LRBA: variants seen among roughly 807,000 people sequenced by gnomAD.
The protein encoded by LRBA is lipopolysaccharide-responsive and beige-like anchor protein.
In LRBA, 176 loss-of-function variants were observed where a neutral mutation model predicts 330.0. The ratio of observed to expected loss-of-function variants is 0.53; its 90% CI spans 0.47 to 0.60. The LOEUF (loss-of-function observed/expected upper bound fraction) is 0.60. LRBA is among the 20% of genes least tolerant of loss of function. The pLI is 0.00. For missense variants in LRBA, 3,259 were observed against 3,444.8 expected (o/e 0.95, Z 1.35); for synonymous variants, 1,230 against 1,193.0 (o/e 1.03, Z -0.64).
intron 37 of LRBA, among the ~76,000 whole-genome samples, chr4:150,677,760 C>T (rs535146187): frequency 1.3e-5 from 2 of 150,334 alleles, no homozygotes; most frequent in African/African-American, 2.5e-5. Context: ...GCTATAATCA[C>T]GCCACTGCAT....
intron 53 of LRBA, among the ~76,000 whole-genome samples, chr4:150,294,841 A>C (rs140461179): frequency 0.011 from 1,669 of 152,182 alleles, 27 homozygotes; most frequent in African/African-American, 0.038. Flanking sequence ...AGTCCCAGCT[A>C]CTCGGGAGCT....
chr4:150,818,874 T>C (rs150581934), intron 30 of LRBA, among the ~76,000 whole-genome samples: 211 of 152,188 alleles, frequency 1.4e-3, no homozygotes, highest in African/African-American at 4.9e-3. Flanking sequence ...GTAAGATATA[T>C]ACCCATCTAT....
chr4:150,307,060 T>C (rs1012710453), intron 52 of LRBA, among the ~76,000 whole-genome samples: 36 of 152,062 alleles, frequency 2.4e-4, no homozygotes, highest in African/African-American at 8.5e-4. Flanking sequence ...TTTTAATTAT[T>C]AGTGTTATAT....
At chr4:150,365,295 C>T (rs1176721564) in intron 47 of LRBA, among the ~76,000 whole-genome samples, 1 of 152,138 alleles carries the variant, frequency 6.6e-6, no homozygotes, top group East Asian at 1.9e-4. Flanking sequence ...GAGTGAGCAA[C>T]TGCACCCGGC....
At chr4:150,742,665 C>T (rs568753185) in intron 35 of LRBA, among the ~76,000 whole-genome samples, 1 of 152,090 alleles carries the variant, frequency 6.6e-6, no homozygotes, top group African/African-American at 2.4e-5. Flanking sequence ...AGAAAAGAGA[C>T]TCCTTGAGCC....
intron 53 of LRBA, among the ~76,000 whole-genome samples, chr4:150,297,643 T>G (rs1375188998): frequency 6.6e-6 from 1 of 152,206 alleles, no homozygotes; most frequent in African/African-American, 2.4e-5. Context: ...TAAAATGGTT[T>G]CTTGTTTCAA....
chr4:150,643,654 C>T (rs1253879491), intron 37 of LRBA, among the ~76,000 whole-genome samples: 1 of 151,830 alleles, frequency 6.6e-6, no homozygotes, highest in African/African-American at 2.4e-5. Flanking sequence ...ATCAGATCAT[C>T]CAGGGCTTTG....
intron 41 of LRBA, among the ~76,000 whole-genome samples, chr4:150,489,287 A>ATATATAATCTATTATATATAC (rs1561250553): frequency 1.7e-5 from 1 of 57,164 alleles, no homozygotes; most frequent in Non-Finnish European, 2.9e-5. Flanking sequence ...ATTATATATA[A>ATATATAATCTATTATATATAC]GAATATATAA....
intron 34 of LRBA, among the ~76,000 whole-genome samples, chr4:150,777,066 T>TTTTTTGTTG (rs370456829): frequency 1.7e-3 from 232 of 134,364 alleles, no homozygotes; most frequent in African/African-American, 8.1e-3. Flanking sequence ...TTTGAGGGGT[T>TTTTTTGTTG]TTGTTGTTGT....
intron 40 of LRBA, among the ~76,000 whole-genome samples, chr4:150,497,203 A>C (rs1474464327): frequency 6.6e-6 from 1 of 152,136 alleles, no homozygotes; most frequent in African/African-American, 2.4e-5. Flanking sequence ...TTTTCTCTGA[A>C]GGTAGATATC....
intron 2 of LRBA, among the ~76,000 whole-genome samples, chr4:150,948,322 C>A (rs1335352483): frequency 6.6e-6 from 1 of 151,876 alleles, no homozygotes; most frequent in Non-Finnish European, 1.5e-5. Flanking sequence ...CAGAACTAGA[C>A]CCACACAAAT....
chr4:150,882,333 T>G (rs1728486614), intron 17 of LRBA, among the ~76,000 whole-genome samples: 1 of 152,200 alleles, frequency 6.6e-6, no homozygotes, highest in African/African-American at 2.4e-5. Context: ...ATGGGCCTAT[T>G]TTGCTTTTTG....
At chr4:150,855,816 T>C (rs1751156232) in intron 22 of LRBA, among the ~76,000 whole-genome samples, 1 of 152,192 alleles carries the variant, frequency 6.6e-6, no homozygotes. Context: ...TTTAAAAAAC[T>C]AAGTCTAACA....
chr4:150,402,131 A>AAAC (rs1357054341), intron 47 of LRBA, among the ~76,000 whole-genome samples: 4 of 151,824 alleles, frequency 2.6e-5, no homozygotes, highest in African/African-American at 9.7e-5. Context: ...TCTACTAAAA[A>AAAC]AAAAAAAAAA....
chr4:150,684,425 G>C (rs1365737655), intron 36 of LRBA, among the ~76,000 whole-genome samples: 2 of 152,134 alleles, frequency 1.3e-5, no homozygotes, highest in Non-Finnish European at 2.9e-5. Flanking sequence ...TTCAAATGCA[G>C]AGTCTCAGGC....
At chr4:150,509,242 A>T (rs557861136) in intron 40 of LRBA, among the ~76,000 whole-genome samples, 20 of 151,088 alleles carry the variant, frequency 1.3e-4, no homozygotes, top group Admixed American at 9.9e-4. Context: ...AAGAAAATTT[A>T]AAAAAAGCTA....
Position 150,867,729 on chromosome 4 carries a change from T to C in LRBA, c.2708A>G (p.Lys903Arg). ...IFRILLYHAV[K>R]YEWGGWRVWV... The stretch of plus-strand genomic sequence containing the variant: ...TACACGCCAGCCACCCCACTCATAT[T>C]TGACTGCATGGTAAAGCAGGATTCT... The change falls in exon 22 of 57, where the codon AAA becomes AGA. Residue 903 changes from lysine to arginine, a missense_variant. Physicochemically the swap from Lys to Arg is conservative, Grantham distance 26. Transcript: ENST00000651943. The C allele has an allele frequency of 6.2e-7, 1 of 1,613,934 alleles. No individual in the cohort carries two copies. The highest frequency in any genetic ancestry group is 8.5e-7 in the Non-Finnish European group (1 of 1,179,912).
At chr4:150,781,993 A>AC (rs1300305883) in intron 34 of LRBA, among the ~76,000 whole-genome samples, 2 of 152,010 alleles carry the variant, frequency 1.3e-5, no homozygotes, top group East Asian at 1.9e-4. Flanking sequence ...TGCAGCCTTG[A>AC]CCCCCCTGGG....
At chr4:150,330,581 G>A (rs971002133) in intron 48 of LRBA, among the ~76,000 whole-genome samples, 7 of 152,134 alleles carry the variant, frequency 4.6e-5, no homozygotes, top group Middle Eastern at 3.4e-3. Flanking sequence ...CATAGGGAGC[G>A]TGCAACCGAG....
Sources: gnomAD v4.1 joint callset for allele counts (sites outside exome capture counted in the v4.1 genomes callset) on GRCh38, gnomAD v4.1.1 for gene constraint, MANE v1.5 for transcripts, NCBI Gene and HGNC (gene_info 2026-07-23, HGNC 2026-07-21) for gene names.